MYRIP: variants seen among roughly 807,000 people sequenced by gnomAD.
MYRIP encodes rab effector MyRIP.
MYRIP carries 49 observed loss-of-function variants against 98.0 expected under a neutral mutation model. The ratio of observed to expected loss-of-function variants is 0.50; its 90% CI spans 0.40 to 0.63. The LOEUF (loss-of-function observed/expected upper bound fraction) is 0.63, where lower values mean the gene tolerates loss of function less well. MYRIP is among the 30% of genes least tolerant of loss of function. The pLI, the probability that MYRIP is intolerant of heterozygous loss-of-function variation, is 0.00. For synonymous variants in MYRIP, 404 were observed against 409.5 expected, an observed-to-expected ratio of 0.99 and a Z score of 0.16; for missense variants, 1,004 against 1,058.2, an observed-to-expected ratio of 0.95 and a Z score of 0.71.
intron 1 of MYRIP, among the ~76,000 whole-genome samples, chr3:39,875,025 T>C (rs1559504695): frequency 6.6e-6 from 1 of 152,206 alleles, no homozygotes; most frequent in East Asian, 1.9e-4. Flanking sequence ...CGGATACTGT[T>C]ATTGGTCTAT....
chr3:40,096,300 G>A (rs574791438), intron 3 of MYRIP, among the ~76,000 whole-genome samples: 32 of 152,220 alleles, frequency 2.1e-4, no homozygotes, highest in Admixed American at 2.0e-4. Context: ...CTGTGACAGC[G>A]GTGGGGATGA....
At chr3:39,933,687 C>A (rs1662515788) in intron 2 of MYRIP, among the ~76,000 whole-genome samples, 1 of 152,136 alleles carries the variant, frequency 6.6e-6, no homozygotes, top group Admixed American at 6.5e-5. Context: ...AATAAAATAT[C>A]AAACTTTGCA....
At position 40,223,940 on chromosome 3, in the gene MYRIP, GGTCTTGAA is replaced by G. The variant is rs1304364290; in HGVS notation, c.1906-9918_1906-9911del. Among the ~76,000 whole-genome samples the G allele has an allele frequency of 5.3e-5, 8 of 151,942 alleles. No homozygotes were observed. In the South Asian group the frequency reaches 1.2e-3, roughly 24 times the overall value. ...GATAGTCATGAACTCTCTGACCAAG[GGTCTTGAA>G]CTGAGACCCAAATGGCAAGCAGGAA... On this transcript the variant is annotated intron_variant, in intron 11 of 16. Transcript: ENST00000302541.
rs76199827 is a variant in MYRIP at position 39,946,770 on chromosome 3, G to T, written c.110+45844G>T. Among the ~76,000 whole-genome samples the T allele has an allele frequency of 9.3e-3, 1,415 of 152,276 alleles. 29 individuals carry two copies. The highest frequency in any genetic ancestry group is 0.032 in the African/African-American group (1,339 of 41,568). On this transcript the variant is annotated intron_variant, in intron 2 of 16. Transcript: ENST00000302541. ...TATGAGAGCCTGAGCAGACGATCCA[G>T]ATAAAATGTGCCGAGCTTATGACCC...
chr3:40,044,204 T>C lies in MYRIP; in HGVS notation c.265T>C (p.Cys89Arg). 6.2e-7 allele frequency: 1 copy of C among 1,614,202 alleles called. No individual in the cohort carries two copies. Among genetic ancestry groups the C allele is most frequent in the Non-Finnish European group, 8.5e-7 (1 of 1,180,026 alleles). ...GTGTGGAGATTGCAAATTCAATGTC[T>C]GCAAGAGCTGCTGCTCCTACCAGAA... is the stretch of plus-strand genomic sequence containing the variant. ...RQCGDCKFNV[C>R]KSCCSYQKHE... Residue 89 changes from cysteine to arginine, a missense_variant, in exon 3 of 17, where the codon TGC becomes CGC. By Grantham distance (180) the Cys-to-Arg change is radical (BLOSUM62 -3). Transcript: ENST00000302541.
In MYRIP at chr3:40,189,873, A is replaced by G; in HGVS notation, c.1075A>G (p.Lys359Glu). ...QSPDGNWVAL[K>E]DGAPPPTRLL... ...CCCCGACGGGAACTGGGTGGCCCTG[A>G]AGGATGGCGCTCCACCCCCCACCCG... Residue 359 changes from lysine to glutamate, a missense_variant, in exon 10 of 17, where the codon AAG becomes GAG. By Grantham distance (56) the Lys-to-Glu change is moderately conservative (BLOSUM62 1). Transcript: ENST00000302541. 4 of 1,614,072 alleles carry G rather than the reference A, an allele frequency of 2.5e-6. No homozygotes were observed. The highest frequency in any genetic ancestry group is 3.4e-6 in the Non-Finnish European group (4 of 1,180,008).
intron 2 of MYRIP, among the ~76,000 whole-genome samples, chr3:39,968,448 C>T (rs1336687457): frequency 6.6e-6 from 1 of 151,958 alleles, no homozygotes; most frequent in Non-Finnish European, 1.5e-5. Context: ...TAGGTGTGAG[C>T]CACCACGTCT....
At chr3:39,854,537 C>T (rs1942227120) in intron 1 of MYRIP, among the ~76,000 whole-genome samples, 1 of 151,960 alleles carries the variant, frequency 6.6e-6, no homozygotes, top group Admixed American at 6.6e-5. Flanking sequence ...ATTTTTCATC[C>T]ATATCCTGTA....
At chr3:39,937,043 C>T (rs185701961) in intron 2 of MYRIP, among the ~76,000 whole-genome samples, 2 of 152,306 alleles carry the variant, frequency 1.3e-5, no homozygotes, top group East Asian at 3.9e-4. Context: ...ACAGAGCAGG[C>T]GTCCATGCCC....
At chr3:40,169,554 C>A (rs1358942060) in intron 7 of MYRIP, among the ~76,000 whole-genome samples, 3 of 152,162 alleles carry the variant, frequency 2.0e-5, no homozygotes, top group African/African-American at 4.8e-5. Flanking sequence ...CCAGCTCCAC[C>A]ATTTATGAGC....
chr3:40,157,501 T>A (rs1950270448), intron 4 of MYRIP, among the ~76,000 whole-genome samples: 1 of 149,800 alleles, frequency 6.7e-6, no homozygotes. Context: ...AGGATGATGC[T>A]GGCCTCATAA....
intron 2 of MYRIP, among the ~76,000 whole-genome samples, chr3:40,016,924 T>G (rs923706414): frequency 6.6e-6 from 1 of 152,166 alleles, no homozygotes; most frequent in African/African-American, 2.4e-5. Context: ...CTTCTCCAGG[T>G]GAGGACATGG....
At chr3:40,009,237 C>CTT (rs553315704) in intron 2 of MYRIP, among the ~76,000 whole-genome samples, 1,587 of 139,210 alleles carry the variant, frequency 0.011, 34 homozygotes, top group African/African-American at 0.039. Flanking sequence ...ACTGCTACTT[C>CTT]TTTTTTTTTT....
rs1158230555 is a variant in MYRIP, at chr3:40,182,251, A to C, written c.905A>C (p.Glu302Ala). 2 of 1,613,262 alleles carry C rather than the reference A, an allele frequency of 1.2e-6. No homozygotes were observed. Among genetic ancestry groups the C allele is most frequent in the Non-Finnish European group, 1.7e-6 (2 of 1,179,678 alleles). Residue 302 changes from glutamate (E) to alanine (A), a missense_variant, in exon 9 of 17, where the codon GAA becomes GCA. Glu to Ala is a moderately radical substitution (Grantham distance 107, BLOSUM62 -1). Coordinates refer to ENST00000302541, the MANE Select transcript of MYRIP (RefSeq NM_015460.4). ...RSQSAFSITG[E>A]EALKTPPVEA... is the part of the protein sequence containing the mutation. ...CAGTCTGCCTTCTCAATCACTGGAGAAGAAGCCCTGAAGACCCCTCCAGTG... is the reference window on the plus strand; with the variant it reads ...CAGTCTGCCTTCTCAATCACTGGAGCAGAAGCCCTGAAGACCCCTCCAGTG...
intron 2 of MYRIP, among the ~76,000 whole-genome samples, chr3:39,968,864 T>A (rs1265045703): frequency 6.6e-6 from 1 of 152,142 alleles, no homozygotes; most frequent in Non-Finnish European, 1.5e-5. Context: ...CTACAAAGAA[T>A]GTCATTGGTA....
At chr3:40,084,353 A>G (rs1948559336) in intron 3 of MYRIP, among the ~76,000 whole-genome samples, 1 of 148,694 alleles carries the variant, frequency 6.7e-6, no homozygotes, top group Non-Finnish European at 1.5e-5. Context: ...TGTATTATAT[A>G]TCGATAGATA....
At chr3:39,957,659 G>A (rs531819250) in intron 2 of MYRIP, among the ~76,000 whole-genome samples, 2 of 152,262 alleles carry the variant, frequency 1.3e-5, no homozygotes, top group Non-Finnish European at 2.9e-5. Context: ...ATTCAACATA[G>A]TGTTGGAAGT....
At chr3:40,005,001 C>T (rs1483687731) in intron 2 of MYRIP, among the ~76,000 whole-genome samples, 3 of 152,102 alleles carry the variant, frequency 2.0e-5, no homozygotes, top group Non-Finnish European at 4.4e-5. Context: ...ATATTTAGCT[C>T]CCACTTACTA....
chr3:39,934,630 A>G (rs6799393), intron 2 of MYRIP, among the ~76,000 whole-genome samples: 76,701 of 152,010 alleles, frequency 0.5, 20,288 homozygotes, highest in African/African-American at 0.67. Context: ...TCTGATGAGA[A>G]GCTTTAAGAT....
Sources: allele counts gnomAD v4.1 joint callset (sites outside exome capture counted in the v4.1 genomes callset), GRCh38; gene constraint gnomAD v4.1.1; transcripts MANE v1.5; gene names NCBI Gene and HGNC (gene_info 2026-07-23, HGNC 2026-07-21).